SPAG16: variants seen among roughly 807,000 people sequenced by gnomAD.
SPAG16 encodes the protein sperm-associated antigen 16 protein.
A neutral mutation model predicts 80.4 loss-of-function variants in SPAG16; 86 were observed. The observed-to-expected ratio is 1.07, with a 90% CI of 0.90 to 1.28. The LOEUF (loss-of-function observed/expected upper bound fraction) is 1.28, where lower values mean the gene tolerates loss of function less well. Among genes scored for constraint, SPAG16 ranks in the 50% most tolerant of loss-of-function variants. SPAG16 has a pLI of 0.00. For missense variants in SPAG16, 870 were observed against 765.3 expected (o/e 1.14, Z -1.61); for synonymous variants, 294 against 265.9 (o/e 1.11, Z -1.03).
At position 213,638,789 on chromosome 2, in the gene SPAG16, GTTT is replaced by G. The variant is rs768293050; in HGVS notation, c.1070+148700_1070+148702del. 3.9e-5 allele frequency among the ~76,000 whole-genome samples: 6 copies of G among 152,190 alleles called. No individual in the cohort carries two copies. The East Asian group carries it at 1.2e-3, about 29-fold the overall frequency. On this transcript the variant is annotated intron_variant, in intron 10 of 15. Transcript: ENST00000331683. ...TTCTAGGGTATAGTTTAAGTCTGTT[GTTT>G]ATTTGTTAACTTTCTGTCTTGATGA...
chr2:213,296,314 ATTCTT>A (rs1228370187), intron 2 of SPAG16, among the ~76,000 whole-genome samples: 2 of 152,250 alleles, frequency 1.3e-5, no homozygotes, highest in African/African-American at 2.4e-5. Flanking sequence ...AATACATCTG[ATTCTT>A]TTGATTTTCC....
intron 12 of SPAG16, among the ~76,000 whole-genome samples, chr2:213,949,179 T>TTTTTTGTTTGTTTTTTTGTTTTTTTG (rs2079609920): frequency 1.7e-4 from 6 of 36,244 alleles, no homozygotes; most frequent in Admixed American, 4.8e-4. Flanking sequence ...GTTTTTTTTT[T>TTTTTTGTTTGTTTTTTTGTTTTTTTG]TTTTTTTTTT....
chr2:213,717,124 C>T (rs960892495), intron 10 of SPAG16, among the ~76,000 whole-genome samples: 2 of 151,290 alleles, frequency 1.3e-5, no homozygotes, highest in Non-Finnish European at 2.9e-5. Context: ...TCGCTCCCTA[C>T]GTAACTCAAC....
chr2:213,650,030 T>C (rs2062965838), intron 10 of SPAG16, among the ~76,000 whole-genome samples: 1 of 151,952 alleles, frequency 6.6e-6, no homozygotes, highest in Non-Finnish European at 1.5e-5. Context: ...GAAAAAGAAG[T>C]TCTCGAATTT....
chr2:214,131,819 T>C (rs1342696321), intron 14 of SPAG16, among the ~76,000 whole-genome samples: 3 of 152,072 alleles, frequency 2.0e-5, no homozygotes, highest in Non-Finnish European at 2.9e-5. Flanking sequence ...GAGGGATGAA[T>C]AGACAGGGCA....
intron 10 of SPAG16, among the ~76,000 whole-genome samples, chr2:213,797,645 G>A (rs1327545305): frequency 6.6e-6 from 1 of 152,176 alleles, no homozygotes; most frequent in Non-Finnish European, 1.5e-5. Flanking sequence ...AACTGTCCAA[G>A]GACACGTTTC....
intron 11 of SPAG16, among the ~76,000 whole-genome samples, chr2:213,924,828 A>G (rs767879823): frequency 4.6e-4 from 70 of 151,934 alleles, no homozygotes; most frequent in Non-Finnish European, 8.8e-4. Context: ...GGATTTGTTC[A>G]TATGTTTGTA....
chr2:213,485,677 C>T (rs554705820), intron 9 of SPAG16, among the ~76,000 whole-genome samples: 83 of 152,110 alleles, frequency 5.5e-4, no homozygotes, highest in African/African-American at 1.8e-3. Flanking sequence ...AGAGTAGATA[C>T]TCAAATGTTG....
At chr2:213,294,242 G>C (rs189587276) in intron 1 of SPAG16, among the ~76,000 whole-genome samples, 2 of 152,198 alleles carry the variant, frequency 1.3e-5, no homozygotes, top group African/African-American at 4.8e-5. Context: ...TCTGGAGTAG[G>C]GTGTTAAATA....
At chr2:213,456,836 T>G (rs2072045957) in intron 9 of SPAG16, among the ~76,000 whole-genome samples, 1 of 152,188 alleles carries the variant, frequency 6.6e-6, no homozygotes, top group Non-Finnish European at 1.5e-5. Context: ...TTTTAATTTT[T>G]GGAACAACTC....
At chr2:214,300,221 C>T (rs1343714812) in intron 15 of SPAG16, among the ~76,000 whole-genome samples, 1 of 151,986 alleles carries the variant, frequency 6.6e-6, no homozygotes, top group Non-Finnish European at 1.5e-5. Flanking sequence ...TACAAATAAA[C>T]AATTGCTTAT....
At chr2:213,597,539 T>C (rs1029304638) in intron 10 of SPAG16, among the ~76,000 whole-genome samples, 3 of 152,202 alleles carry the variant, frequency 2.0e-5, no homozygotes, top group African/African-American at 7.2e-5. Context: ...AGAAATTTAC[T>C]GAAACAAGAT....
intron 13 of SPAG16, among the ~76,000 whole-genome samples, chr2:214,056,685 A>G (rs1176152370): frequency 2.0e-5 from 3 of 152,276 alleles, no homozygotes; most frequent in East Asian, 1.9e-4. Flanking sequence ...ATAAGACAAT[A>G]AAGTTTGCCA....
At chr2:214,213,120 A>C (rs1338100832) in intron 15 of SPAG16, among the ~76,000 whole-genome samples, 2 of 152,182 alleles carry the variant, frequency 1.3e-5, no homozygotes. Flanking sequence ...CAGATTTGCA[A>C]ATCATTCCAG....
At chr2:214,172,105 A>G (rs1559102948) in intron 15 of SPAG16, among the ~76,000 whole-genome samples, 1 of 151,024 alleles carries the variant, frequency 6.6e-6, no homozygotes, top group Admixed American at 6.6e-5. Flanking sequence ...AAATTTTATT[A>G]TTATTATACT....
At chr2:213,643,926 G>A (rs924606356) in intron 10 of SPAG16, among the ~76,000 whole-genome samples, 6 of 150,786 alleles carry the variant, frequency 4.0e-5, no homozygotes, top group South Asian at 2.1e-4. Flanking sequence ...GATTACAGGC[G>A]CACACCACCA....
rs139993983 is a variant in SPAG16 at position 213,354,637 on chromosome 2, A to G, written c.762+3992A>G. ...TTTATTTGCATTTCTCTGATGACCA[A>G]TGATGATGAGCATTTTTTCACGTTT... On this transcript the variant is annotated intron_variant, in intron 7 of 15. Transcript: ENST00000331683. Among the ~76,000 whole-genome samples, 949 of 152,296 alleles carry G rather than the reference A, an allele frequency of 6.2e-3. 16 individuals carry two copies. The highest frequency in any genetic ancestry group is 0.021 in the African/African-American group (882 of 41,556).
intron 11 of SPAG16, among the ~76,000 whole-genome samples, chr2:213,865,322 T>C (rs1405047556): frequency 6.6e-6 from 1 of 151,912 alleles, no homozygotes; most frequent in Non-Finnish European, 1.5e-5. Flanking sequence ...ATGAAATTAA[T>C]AACCATGAAT....
intron 3 of SPAG16, chr2:213,302,406 A>C (rs2062772717): frequency 6.6e-6 from 1 of 152,142 alleles, no homozygotes; most frequent in Admixed American, 6.6e-5. Flanking sequence ...GGATTTTGTA[A>C]TCAAAATTTG....
Sources: gnomAD v4.1 joint callset for allele counts (sites outside exome capture counted in the v4.1 genomes callset) on GRCh38, gnomAD v4.1.1 for gene constraint, MANE v1.5 for transcripts, NCBI Gene and HGNC (gene_info 2026-07-23, HGNC 2026-07-21) for gene names.